The following PPARGC1A variants were observed in gnomAD, a reference collection of about 807,000 sequenced individuals.
PPARGC1A encodes peroxisome proliferator-activated receptor gamma coactivator 1-alpha.
A neutral mutation model predicts 88.7 loss-of-function variants in PPARGC1A; 25 were observed. That is an observed-to-expected ratio of 0.28 (90% confidence interval 0.21 to 0.39). The LOEUF is 0.39. Ranked by LOEUF, PPARGC1A falls within the 10% of genes least tolerant of loss-of-function variation. The pLI is 1.00. For synonymous variants in PPARGC1A, 363 were observed against 355.6 expected (o/e 1.02, Z -0.24); for missense variants, 880 against 968.7 (o/e 0.91, Z 1.22).
chr4:24,244,860 G>A, the PPARGC1A span, among the ~76,000 whole-genome samples: 3 of 152,090 alleles, frequency 2.0e-5, no homozygotes, highest in African/African-American at 4.8e-5. Flanking sequence ...TATGTAAAAC[G>A]GGTTCTCTGC....
the PPARGC1A span, among the ~76,000 whole-genome samples, chr4:24,249,731 A>C: frequency 1.3e-5 from 2 of 152,122 alleles, no homozygotes; most frequent in Non-Finnish European, 2.9e-5. Context: ...GAACGTGGGG[A>C]TATCTGGGCT....
chr4:23,988,897 TATAA>T, the PPARGC1A span, among the ~76,000 whole-genome samples: 63 of 147,522 alleles, frequency 4.3e-4, no homozygotes, highest in Middle Eastern at 3.6e-3. Context: ...TACAGATTTA[TATAA>T]ATAGATATTA....
chr4:24,173,756 G>C, the PPARGC1A span, among the ~76,000 whole-genome samples: 1 of 152,174 alleles, frequency 6.6e-6, no homozygotes, highest in African/African-American at 2.4e-5. Context: ...CAATCTCCAA[G>C]CATCAGCTTC....
the PPARGC1A span, among the ~76,000 whole-genome samples, chr4:24,135,963 A>C: frequency 6.6e-6 from 1 of 152,136 alleles, no homozygotes; most frequent in Non-Finnish European, 1.5e-5. Flanking sequence ...AGTGCTCATT[A>C]ATGACTCGAT....
At chr4:24,467,422 T>G in the PPARGC1A span, among the ~76,000 whole-genome samples, 1 of 152,238 alleles carries the variant, frequency 6.6e-6, no homozygotes, top group Non-Finnish European at 1.5e-5. Flanking sequence ...CCAGTTGATA[T>G]TTTTTGAACT....
chr4:24,109,670 T>C, the PPARGC1A span, among the ~76,000 whole-genome samples: 94 of 152,314 alleles, frequency 6.2e-4, no homozygotes, highest in African/African-American at 2.2e-3. Context: ...TGTTCAATTA[T>C]TGATCCCTAC....
chr4:24,367,216 G>A, the PPARGC1A span, among the ~76,000 whole-genome samples: 9 of 152,152 alleles, frequency 5.9e-5, no homozygotes, highest in Admixed American at 2.6e-4. Flanking sequence ...AAATGGGGGA[G>A]GAGACTCCTC....
chr4:24,048,233 T>C, the PPARGC1A span, among the ~76,000 whole-genome samples: 14 of 152,174 alleles, frequency 9.2e-5, no homozygotes, highest in African/African-American at 3.4e-4. Flanking sequence ...TTTTATCTTT[T>C]TCTTAAAAGC....
intron 2 of PPARGC1A, among the ~76,000 whole-genome samples, chr4:23,874,460 T>A (rs1714266662): frequency 6.6e-6 from 1 of 152,176 alleles, no homozygotes; most frequent in Non-Finnish European, 1.5e-5. Flanking sequence ...TTGGGAACAC[T>A]GTGTCCTTAA....
the PPARGC1A span, among the ~76,000 whole-genome samples, chr4:24,208,428 CAGG>C: frequency 3.3e-5 from 5 of 152,162 alleles, no homozygotes; most frequent in African/African-American, 9.6e-5. Flanking sequence ...ATAAAGTGGA[CAGG>C]AGAACTTCTA....
chr4:24,163,294 T>C, the PPARGC1A span, among the ~76,000 whole-genome samples: 1 of 151,358 alleles, frequency 6.6e-6, no homozygotes, highest in Non-Finnish European at 1.5e-5. Context: ...CAAAATTAGT[T>C]GTCAAGTTTC....
the PPARGC1A span, among the ~76,000 whole-genome samples, chr4:23,928,850 C>T: frequency 6.6e-6 from 1 of 151,118 alleles, no homozygotes; most frequent in Admixed American, 6.6e-5. Flanking sequence ...ATTTGGAAGC[C>T]ATTATCCTCA....
At chr4:23,998,550 G>A in the PPARGC1A span, among the ~76,000 whole-genome samples, 18,825 of 152,042 alleles carry the variant, frequency 0.12, 1,495 homozygotes, top group South Asian at 0.19. Context: ...ATTAAGCAAT[G>A]GTAGGTCACA....
At chr4:24,417,958 C>A in the PPARGC1A span, among the ~76,000 whole-genome samples, 3 of 151,812 alleles carry the variant, frequency 2.0e-5, no homozygotes, top group Admixed American at 6.6e-5. Flanking sequence ...ATAAGACTAA[C>A]CCTCCACCAT....
chr4:23,970,481 A>G, the PPARGC1A span, among the ~76,000 whole-genome samples: 1 of 152,282 alleles, frequency 6.6e-6, no homozygotes, highest in Non-Finnish European at 1.5e-5. Context: ...TTTTCAAATC[A>G]TGATTTATAT....
chr4:23,911,578 T>C, the PPARGC1A span, among the ~76,000 whole-genome samples: 1 of 152,204 alleles, frequency 6.6e-6, no homozygotes, highest in African/African-American at 2.4e-5. Flanking sequence ...TAAATGTTGA[T>C]AAACTGAGAT....
At chr4:24,424,258 C>CTTTTTTTTTTTTTTTTTTTTTTTTTT in the PPARGC1A span, among the ~76,000 whole-genome samples, 1 of 44,316 alleles carries the variant, frequency 2.3e-5, no homozygotes, top group African/African-American at 9.9e-5. Flanking sequence ...TATACACACA[C>CTTTTTTTTTTTTTTTTTTTTTTTTTT]TTTTTTTTTT....
chr4:23,837,832 G>A (rs1285236034), intron 2 of PPARGC1A, among the ~76,000 whole-genome samples: 1 of 152,112 alleles, frequency 6.6e-6, no homozygotes, highest in East Asian at 1.9e-4. Context: ...AAATACAGTG[G>A]GTCAGAGGTG....
chr4:23,933,542 C>G, the PPARGC1A span, among the ~76,000 whole-genome samples: 1 of 152,038 alleles, frequency 6.6e-6, no homozygotes, highest in Non-Finnish European at 1.5e-5. Context: ...GACAGAGGAA[C>G]TGGAGAATGG....
Sources: allele counts gnomAD v4.1 joint callset (sites outside exome capture counted in the v4.1 genomes callset), GRCh38; gene constraint gnomAD v4.1.1; transcripts MANE v1.5; gene names NCBI Gene and HGNC (gene_info 2026-07-23, HGNC 2026-07-21).